The following RBFOX3 variants were observed in gnomAD, a reference collection of about 807,000 sequenced individuals.
The protein encoded by RBFOX3 is RNA binding protein fox-1 homolog 3.
Under a neutral mutation model 48.7 loss-of-function variants are expected in RBFOX3, and 17 were observed. The observed-to-expected ratio is 0.35, with a 90% CI of 0.24 to 0.52. The LOEUF (loss-of-function observed/expected upper bound fraction) is 0.52, where lower values mean the gene tolerates loss of function less well. RBFOX3 is among the 20% of genes least tolerant of loss of function. The probability of loss-of-function intolerance (pLI) is 0.94; values close to 1 mark genes in which losing one functional copy is unlikely to be tolerated. For synonymous variants in RBFOX3, 212 were observed against 209.5 expected, an observed-to-expected ratio of 1.01 and a Z score of -0.10; for missense variants, 382 against 497.5, an observed-to-expected ratio of 0.77 and a Z score of 2.21.
chr17:79,332,149 C>A (rs1474973095), intron 2 of RBFOX3, among the ~76,000 whole-genome samples: 2 of 152,194 alleles, frequency 1.3e-5, no homozygotes, highest in Non-Finnish European at 2.9e-5. Flanking sequence ...CGGCTGCCTG[C>A]CTTCTTTCCC....
chr17:79,101,437 A>G, intron 9 of RBFOX3, 147 bp downstream of exon 9: 1 of 715,832 alleles, frequency 1.4e-6, no homozygotes, highest in Non-Finnish European at 2.4e-6. Flanking sequence ...TCTGACCGGG[A>G]GCAGAGCGGC....
In RBFOX3 at chr17:79,252,409, C is replaced by T. The variant is rs932751266; in HGVS notation, c.-73-16604G>A. ...TATTTCAGTGAATGGATCTATCACC[C>T]GTCCAAGTGAGCAAGTCAGCTGGGG... On this transcript the variant is annotated intron_variant, in intron 3 of 14. Coordinates refer to ENST00000693108, the MANE Select transcript of RBFOX3 (RefSeq NM_001350451.2). The surrounding 1 kb of genome is among the most constrained non-coding windows in gnomAD (Gnocchi z 4.0). 6.6e-6 allele frequency among the ~76,000 whole-genome samples: 1 copy of T among 152,156 alleles called. No homozygotes were observed. The highest frequency in any genetic ancestry group is 2.4e-5 in the African/African-American group (1 of 41,434).
chr17:79,197,097 G>A (rs1321516750), intron 4 of RBFOX3, among the ~76,000 whole-genome samples: 2 of 148,952 alleles, frequency 1.3e-5, no homozygotes, highest in Non-Finnish European at 3.0e-5. Context: ...CTGTGCCCAT[G>A]TGGGTGGCTG....
chr17:79,637,911 GA>G, the RBFOX3 span, among the ~76,000 whole-genome samples: 2 of 152,024 alleles, frequency 1.3e-5, no homozygotes, highest in Non-Finnish European at 2.9e-5. Context: ...ACCACAATGA[GA>G]AGAAACTAGA....
At chr17:79,376,283 C>T (rs1474564401) in intron 2 of RBFOX3, among the ~76,000 whole-genome samples, 2 of 152,112 alleles carry the variant, frequency 1.3e-5, no homozygotes, top group Non-Finnish European at 2.9e-5. Context: ...CATTTTTGGC[C>T]CCACTTGGAA....
intron 2 of RBFOX3, among the ~76,000 whole-genome samples, chr17:79,348,152 G>A (rs1044074487): frequency 1.5e-4 from 23 of 152,204 alleles, no homozygotes; most frequent in Admixed American, 7.9e-4. Context: ...TCTCCTGGTC[G>A]TCTGCAGAAA....
intron 2 of RBFOX3, among the ~76,000 whole-genome samples, chr17:79,348,349 A>C (rs1418358685): frequency 6.6e-6 from 1 of 152,158 alleles, no homozygotes; most frequent in Non-Finnish European, 1.5e-5. Context: ...AAGAACAGAC[A>C]TCAAACATTC....
At chr17:79,288,478 C>CG (rs891922654) in intron 3 of RBFOX3, among the ~76,000 whole-genome samples, 6 of 97,084 alleles carry the variant, frequency 6.2e-5, no homozygotes, top group Non-Finnish European at 9.5e-5. Flanking sequence ...TTCTCTGCAG[C>CG]CCCCCCCAGC....
At chr17:79,169,309 T>C (rs541709500) in intron 4 of RBFOX3, among the ~76,000 whole-genome samples, 3 of 152,146 alleles carry the variant, frequency 2.0e-5, no homozygotes, top group Non-Finnish European at 4.4e-5. Context: ...TGAACTCAGA[T>C]GCTGGGGTAG....
intron 2 of RBFOX3, among the ~76,000 whole-genome samples, chr17:79,381,431 C>T (rs1440950864): frequency 6.6e-6 from 1 of 152,166 alleles, no homozygotes; most frequent in Non-Finnish European, 1.5e-5. Context: ...GCGCGTGTGT[C>T]CCCATCACAG....
chr17:79,126,099 A>G (rs987479730), intron 4 of RBFOX3, among the ~76,000 whole-genome samples: 8 of 152,218 alleles, frequency 5.3e-5, no homozygotes, highest in African/African-American at 1.9e-4. Context: ...TTCCGTGAGC[A>G]GGAAAGCCCC....
chr17:79,302,541 C>A (rs954720189), intron 3 of RBFOX3, among the ~76,000 whole-genome samples: 1 of 152,072 alleles, frequency 6.6e-6, no homozygotes, highest in Non-Finnish European at 1.5e-5. Flanking sequence ...ATTAGCTGGG[C>A]GTGGTGGCAG....
chr17:79,552,372 AT>A (rs1439954838), intron 1 of RBFOX3, among the ~76,000 whole-genome samples: 3 of 152,202 alleles, frequency 2.0e-5, no homozygotes, highest in Non-Finnish European at 4.4e-5. Flanking sequence ...AACATCACAC[AT>A]CAGCAAAGCC....
At chr17:79,113,096 C>G (rs74001553) in intron 5 of RBFOX3, among the ~76,000 whole-genome samples, 28,304 of 151,882 alleles carry the variant, frequency 0.19, 2,736 homozygotes, top group East Asian at 0.24. Context: ...TACCAGGCTG[C>G]TTGGGGCAGG....
At chr17:79,289,019 G>T (rs74611700) in intron 3 of RBFOX3, among the ~76,000 whole-genome samples, 10,063 of 152,092 alleles carry the variant, frequency 0.066, 381 homozygotes, top group East Asian at 0.2. Flanking sequence ...GCATCCATGG[G>T]GACAGCTGGG....
At chr17:79,353,130 C>A (rs944500407) in intron 2 of RBFOX3, among the ~76,000 whole-genome samples, 4 of 152,216 alleles carry the variant, frequency 2.6e-5, no homozygotes, top group African/African-American at 9.6e-5. Context: ...CCTGCGTTGG[C>A]CTGGACGATC....
chr17:79,258,961 G>A (rs532813456), intron 3 of RBFOX3, among the ~76,000 whole-genome samples: 3 of 152,260 alleles, frequency 2.0e-5, no homozygotes, highest in Non-Finnish European at 2.9e-5. Context: ...CTTTCTCAGC[G>A]CTTGCTAGAG....
the RBFOX3 span, among the ~76,000 whole-genome samples, chr17:79,620,336 CAG>C: frequency 1.3e-5 from 2 of 149,570 alleles, no homozygotes; most frequent in African/African-American, 2.4e-5. Context: ...CGCACGCACA[CAG>C]ACATGCACAC....
chr17:79,406,627 G>A (rs893757053), intron 2 of RBFOX3, among the ~76,000 whole-genome samples: 9 of 152,294 alleles, frequency 5.9e-5, no homozygotes, highest in South Asian at 2.1e-4. Flanking sequence ...TTTCACGCCT[G>A]TAAATGTGAC....
Sources: allele counts gnomAD v4.1 joint callset (sites outside exome capture counted in the v4.1 genomes callset), GRCh38; gene constraint gnomAD v4.1.1; non-coding constraint Gnocchi (gnomAD v3.1); transcripts MANE v1.5; gene names NCBI Gene and HGNC (gene_info 2026-07-23, HGNC 2026-07-21).